REEP1: variants seen among roughly 807,000 people sequenced by gnomAD.
The protein encoded by REEP1 is receptor accessory protein 1.
In REEP1, 22 loss-of-function variants were observed where a neutral mutation model predicts 40.3. The observed-to-expected ratio is 0.55, with a 90% CI of 0.39 to 0.78. The LOEUF (loss-of-function observed/expected upper bound fraction) is 0.78. Ranked by LOEUF, REEP1 falls within the 30% of genes least tolerant of loss-of-function variation. The pLI, the probability that REEP1 is intolerant of heterozygous loss-of-function variation, is 0.00. For missense variants in REEP1, 280 were observed against 361.1 expected, an observed-to-expected ratio of 0.78 and a Z score of 1.82; for synonymous variants, 116 against 139.2, an observed-to-expected ratio of 0.83 and a Z score of 1.17.
intron 1 of REEP1, among the ~76,000 whole-genome samples, chr2:86,309,509 C>T (rs1172084297): frequency 1.3e-5 from 2 of 152,238 alleles, no homozygotes; most frequent in Non-Finnish European, 2.9e-5. Flanking sequence ...CTCTTGAATT[C>T]GTCAGCTCAG....
intron 3 of REEP1, among the ~76,000 whole-genome samples, chr2:86,255,686 G>A (rs562092592): frequency 3.3e-5 from 5 of 152,170 alleles, no homozygotes; most frequent in Non-Finnish European, 7.3e-5. Context: ...GGAACTAAGG[G>A]TCCAGTCAGG....
intron 1 of REEP1, among the ~76,000 whole-genome samples, chr2:86,304,433 G>C (rs1028978267): frequency 1.3e-5 from 2 of 152,102 alleles, no homozygotes; most frequent in Non-Finnish European, 2.9e-5. Context: ...AGACTCTCAG[G>C]GTGGGAGGGG....
At chr2:86,219,509 A>G (rs891146925) in intron 8 of REEP1, among the ~76,000 whole-genome samples, 4 of 147,012 alleles carry the variant, frequency 2.7e-5, no homozygotes, top group African/African-American at 1.0e-4. Flanking sequence ...GGAGTGCAGC[A>G]GTGCAGTCTC....
intron 5 of REEP1, among the ~76,000 whole-genome samples, chr2:86,248,072 C>T (rs1424826745): frequency 2.6e-5 from 4 of 152,192 alleles, no homozygotes; most frequent in African/African-American, 9.6e-5. Flanking sequence ...TAGAAAGTCA[C>T]TGAAGTATGG....
intron 1 of REEP1, among the ~76,000 whole-genome samples, chr2:86,287,876 T>C (rs1433871143): frequency 6.6e-6 from 1 of 152,194 alleles, no homozygotes; most frequent in African/African-American, 2.4e-5. Context: ...AGAAAAAAAG[T>C]GTTTATACCT....
intron 1 of REEP1, among the ~76,000 whole-genome samples, chr2:86,295,754 T>A (rs1162536792): frequency 6.6e-6 from 1 of 152,178 alleles, no homozygotes; most frequent in South Asian, 2.1e-4. Context: ...TTAGCCAGGA[T>A]GGTCTCGATC....
chr2:86,224,786 C>T (rs1674600915), intron 7 of REEP1, among the ~76,000 whole-genome samples: 1 of 152,234 alleles, frequency 6.6e-6, no homozygotes, highest in Non-Finnish European at 1.5e-5. Flanking sequence ...TATTCAGTTC[C>T]TACAATCAAC....
chr2:86,283,098 T>C (rs540500332), intron 1 of REEP1, among the ~76,000 whole-genome samples: 1 of 152,226 alleles, frequency 6.6e-6, no homozygotes, highest in East Asian at 1.9e-4. Context: ...AGCTCAAACC[T>C]CCCCACTACA....
chr2:86,220,677 C>T (rs1674366015), intron 7 of REEP1, among the ~76,000 whole-genome samples: 1 of 150,232 alleles, frequency 6.7e-6, no homozygotes. Context: ...AAGTGATAAC[C>T]TTAAACAAAG....
intron 1 of REEP1, among the ~76,000 whole-genome samples, chr2:86,311,323 GT>G (rs1679755082): frequency 6.6e-6 from 1 of 152,178 alleles, no homozygotes; most frequent in Non-Finnish European, 1.5e-5. Flanking sequence ...GGGCCGATGG[GT>G]TTTTAAAGGT....
chr2:86,253,846 A>G (rs1412159365), intron 4 of REEP1, among the ~76,000 whole-genome samples: 1 of 152,212 alleles, frequency 6.6e-6, no homozygotes, highest in Non-Finnish European at 1.5e-5. Context: ...TAATGCTCCT[A>G]TTTTAGTTAA....
chr2:86,254,542 A>G, intron 4 of REEP1, 152 bp downstream of exon 4: 1 of 730,660 alleles, frequency 1.4e-6, no homozygotes, highest in South Asian at 1.8e-5. Context: ...ACGTCTCAGA[A>G]ATACACTTAA....
chr2:86,218,957 C>G (rs951089161), intron 8 of REEP1, among the ~76,000 whole-genome samples: 1 of 152,158 alleles, frequency 6.6e-6, no homozygotes, highest in African/African-American at 2.4e-5. Flanking sequence ...CCTCTCAGGC[C>G]GTGATACTCA....
intron 1 of REEP1, among the ~76,000 whole-genome samples, chr2:86,282,516 G>A (rs943731165): frequency 6.6e-6 from 1 of 152,038 alleles, no homozygotes; most frequent in Admixed American, 6.6e-5. Context: ...CAAAAATGGG[G>A]ATGTGAAGGC....
At chr2:86,320,832 C>T (rs1294950079) in intron 1 of REEP1, among the ~76,000 whole-genome samples, 2 of 152,106 alleles carry the variant, frequency 1.3e-5, no homozygotes, top group Admixed American at 6.5e-5. Context: ...AATGAAGAGA[C>T]TTTTTGAGAA....
chr2:86,320,573 C>T (rs891974273), intron 1 of REEP1, among the ~76,000 whole-genome samples: 2 of 151,902 alleles, frequency 1.3e-5, no homozygotes, highest in African/African-American at 2.4e-5. Flanking sequence ...TATCAGACTC[C>T]GAACATAACA....
chr2:86,238,536 G>A (rs1675485891), intron 5 of REEP1, among the ~76,000 whole-genome samples: 1 of 152,234 alleles, frequency 6.6e-6, no homozygotes, highest in African/African-American at 2.4e-5. Flanking sequence ...ATGAACGTAT[G>A]ACCATTTATG....
At chr2:86,305,028 A>T (rs527910781) in intron 1 of REEP1, among the ~76,000 whole-genome samples, 4 of 147,350 alleles carry the variant, frequency 2.7e-5, no homozygotes, top group Non-Finnish European at 4.5e-5. Flanking sequence ...TCAAGTCTTC[A>T]TTTTTTTTTT....
At position 86,233,905 on chromosome 2, in the gene REEP1, G is replaced by A. The variant is rs561810785; in HGVS notation, c.418-1103C>T. Among the ~76,000 whole-genome samples, 5 of 152,168 alleles carry A rather than the reference G, an allele frequency of 3.3e-5. No individual in the cohort carries two copies. The South Asian group carries it at 1.0e-3, about 32-fold the overall frequency. ...AGTGGTCCCAGAGATCTGGGGGACA[G>A]GGGGACAATACTGCACAACAGACAT... is the stretch of plus-strand genomic sequence containing the variant. On this transcript the variant is annotated intron_variant, in intron 5 of 8. Transcript: ENST00000538924.
Sources: allele counts gnomAD v4.1 joint callset (sites outside exome capture counted in the v4.1 genomes callset), GRCh38; gene constraint gnomAD v4.1.1; transcripts MANE v1.5; gene names NCBI Gene and HGNC (gene_info 2026-07-23, HGNC 2026-07-21).